Variants in CNTNAP2 observed in about 807,000 individuals in gnomAD.
CNTNAP2 encodes contactin-associated protein-like 2.
A neutral mutation model predicts 155.2 loss-of-function variants in CNTNAP2; 98 were observed. That is an observed-to-expected ratio of 0.63 (90% CI 0.54 to 0.75). The LOEUF is 0.75. Among genes scored for constraint, CNTNAP2 ranks in the 30% least tolerant of loss-of-function variants. The probability of loss-of-function intolerance (pLI) is 0.00; values close to 1 mark genes in which losing one functional copy is unlikely to be tolerated. For synonymous variants in CNTNAP2, 651 were observed against 631.2 expected, an observed-to-expected ratio of 1.03 and a Z score of -0.47; for missense variants, 1,727 against 1,688.1, an observed-to-expected ratio of 1.02 and a Z score of -0.40.
At chr7:148,341,581 A>G (rs973766970) in intron 21 of CNTNAP2, among the ~76,000 whole-genome samples, 1 of 152,142 alleles carries the variant, frequency 6.6e-6, no homozygotes, top group African/African-American at 2.4e-5. Flanking sequence ...TACTAGCCCA[A>G]TGTCACTCAC....
At chr7:146,299,337 C>G (rs1800566934) in intron 1 of CNTNAP2, among the ~76,000 whole-genome samples, 1 of 151,926 alleles carries the variant, frequency 6.6e-6, no homozygotes, top group African/African-American at 2.4e-5. Flanking sequence ...CCTTGGTGCA[C>G]AATTATATGG....
chr7:148,333,447 C>T (rs1480268180), intron 21 of CNTNAP2, among the ~76,000 whole-genome samples: 1 of 88,040 alleles, frequency 1.1e-5, no homozygotes, highest in African/African-American at 3.4e-5. Flanking sequence ...AAAAAAAACA[C>T]TCATTTTTTA....
At chr7:147,479,416 C>T (rs1228086581) in intron 10 of CNTNAP2, among the ~76,000 whole-genome samples, 3 of 152,162 alleles carry the variant, frequency 2.0e-5, no homozygotes, top group Non-Finnish European at 2.9e-5. Flanking sequence ...TTATGTGGAA[C>T]AGGCGACTGA....
intron 1 of CNTNAP2, among the ~76,000 whole-genome samples, chr7:146,186,636 A>C (rs1798628509): frequency 1.3e-5 from 2 of 152,142 alleles, no homozygotes; most frequent in Non-Finnish European, 2.9e-5. Flanking sequence ...TTTATATATG[A>C]ATGACAATTT....
chr7:147,815,870 T>G (rs923597475), intron 13 of CNTNAP2, among the ~76,000 whole-genome samples: 1 of 152,212 alleles, frequency 6.6e-6, no homozygotes, highest in South Asian at 2.1e-4. Flanking sequence ...AATCGAGTGA[T>G]GTCCACTGGC....
At chr7:146,212,290 C>G (rs771499694) in intron 1 of CNTNAP2, among the ~76,000 whole-genome samples, 1 of 152,066 alleles carries the variant, frequency 6.6e-6, no homozygotes, top group Admixed American at 6.6e-5. Flanking sequence ...ATTTGACTTA[C>G]TAAATAAATG....
intron 2 of CNTNAP2, among the ~76,000 whole-genome samples, chr7:146,814,823 GT>G (rs1803133320): frequency 6.6e-6 from 1 of 152,158 alleles, no homozygotes; most frequent in South Asian, 2.1e-4. Context: ...AAAACTTACA[GT>G]CATTTCTGGT....
chr7:148,214,094 T>G (rs1175135242), intron 18 of CNTNAP2, among the ~76,000 whole-genome samples: 2 of 152,192 alleles, frequency 1.3e-5, no homozygotes, highest in African/African-American at 4.8e-5. Context: ...TTAGATGTCT[T>G]TTCCCACAGC....
At chr7:147,670,132 A>G (rs921356078) in intron 13 of CNTNAP2, among the ~76,000 whole-genome samples, 7 of 152,256 alleles carry the variant, frequency 4.6e-5, no homozygotes, top group African/African-American at 1.7e-4. Context: ...GTGTTCCACA[A>G]TATACAGAGA....
intron 3 of CNTNAP2, among the ~76,000 whole-genome samples, chr7:146,910,593 G>A (rs1197313952): frequency 1.3e-5 from 2 of 150,974 alleles, no homozygotes; most frequent in East Asian, 3.9e-4. Flanking sequence ...GGGAAAACTG[G>A]CTAGCCATAT....
chr7:148,236,930 G>A (rs1480123297), intron 20 of CNTNAP2, among the ~76,000 whole-genome samples: 5 of 152,158 alleles, frequency 3.3e-5, no homozygotes, highest in East Asian at 1.9e-4. Flanking sequence ...GTGCTAAACC[G>A]TTCATAGAGC....
intron 6 of CNTNAP2, among the ~76,000 whole-genome samples, chr7:147,127,795 T>C (rs919540466): frequency 1.3e-5 from 2 of 152,130 alleles, no homozygotes; most frequent in South Asian, 4.1e-4. Flanking sequence ...AAATAGATAA[T>C]GGTAATATTG....
At chr7:146,287,342 G>A (rs1047717381) in intron 1 of CNTNAP2, among the ~76,000 whole-genome samples, 3 of 152,138 alleles carry the variant, frequency 2.0e-5, no homozygotes, top group Non-Finnish European at 4.4e-5. Flanking sequence ...CATTAAATTA[G>A]CATTGGAAGG....
rs758187628 is a variant in CNTNAP2 at position 147,225,953 on chromosome 7, AAG to A, written c.1349-74182_1349-74181del. ...AAGGAAAGAAGGAAGGAAAGGAAGA[AAG>A]AGAGAAAGGAAGAAAGAGAGAAAGA... On this transcript the variant is annotated intron_variant, in intron 8 of 23. Transcript: ENST00000361727. 2.6e-3 allele frequency among the ~76,000 whole-genome samples: 398 copies of A among 151,882 alleles called. 1 individual carries two copies. The highest frequency in any genetic ancestry group is 9.0e-3 in the African/African-American group (371 of 41,410).
intron 8 of CNTNAP2, among the ~76,000 whole-genome samples, chr7:147,272,235 C>T (rs1804768574): frequency 6.6e-6 from 1 of 152,092 alleles, no homozygotes; most frequent in Non-Finnish European, 1.5e-5. Flanking sequence ...TCTTGTAACC[C>T]TTCTCCATAA....
chr7:148,200,671 CA>C (rs1173488025), intron 18 of CNTNAP2, among the ~76,000 whole-genome samples: 1 of 152,144 alleles, frequency 6.6e-6, no homozygotes, highest in East Asian at 1.9e-4. Context: ...ACGATGCTAC[CA>C]TTCTCCGCAG....
At chr7:147,756,268 A>G (rs939228512) in intron 13 of CNTNAP2, among the ~76,000 whole-genome samples, 2 of 152,264 alleles carry the variant, frequency 1.3e-5, no homozygotes, top group Non-Finnish European at 2.9e-5. Flanking sequence ...AGTCTTAGCC[A>G]TGCTAACAAA....
At chr7:146,617,305 A>G (rs987551731) in intron 1 of CNTNAP2, among the ~76,000 whole-genome samples, 1 of 152,240 alleles carries the variant, frequency 6.6e-6, no homozygotes, top group East Asian at 1.9e-4. Flanking sequence ...TCATGAATAG[A>G]CTACAAAGAT....
At chr7:146,809,421 G>T (rs570524780) in intron 2 of CNTNAP2, among the ~76,000 whole-genome samples, 3 of 152,178 alleles carry the variant, frequency 2.0e-5, no homozygotes, top group African/African-American at 4.8e-5. Flanking sequence ...GAGTGCAGTG[G>T]TGCGGTGTCG....
Sources: allele counts gnomAD v4.1 joint callset (sites outside exome capture counted in the v4.1 genomes callset), GRCh38; gene constraint gnomAD v4.1.1; transcripts MANE v1.5; gene names NCBI Gene and HGNC (gene_info 2026-07-23, HGNC 2026-07-21).